CACNG2: variants seen among roughly 807,000 people sequenced by gnomAD.
The protein encoded by CACNG2 is calcium voltage-gated channel auxiliary subunit gamma 2.
Under a neutral mutation model 25.9 loss-of-function variants are expected in CACNG2, and 3 were observed. That is an observed-to-expected ratio of 0.12 (90% CI 0.05 to 0.30). CACNG2 has a LOEUF of 0.30. CACNG2 is among the 10% of genes least tolerant of loss of function. The pLI is 1.00. For missense variants in CACNG2, 341 were observed against 432.5 expected, an observed-to-expected ratio of 0.79 and a Z score of 1.88; for synonymous variants, 167 against 173.3, an observed-to-expected ratio of 0.96 and a Z score of 0.29.
intron 1 of CACNG2, among the ~76,000 whole-genome samples, chr22:36,678,563 CAT>C (rs943323773): frequency 6.6e-6 from 1 of 151,998 alleles, no homozygotes; most frequent in Non-Finnish European, 1.5e-5. Flanking sequence ...CCAATTCTCT[CAT>C]CATTTCCACA....
At chr22:36,588,681 G>A (rs1198049205) in intron 1 of CACNG2, among the ~76,000 whole-genome samples, 3 of 152,190 alleles carry the variant, frequency 2.0e-5, no homozygotes, top group Admixed American at 6.5e-5. Context: ...TGAGAGTGGC[G>A]ATAACAAGAA....
At chr22:36,643,576 G>C (rs999088243) in intron 1 of CACNG2, among the ~76,000 whole-genome samples, 2 of 151,610 alleles carry the variant, frequency 1.3e-5, no homozygotes, top group South Asian at 4.2e-4. Flanking sequence ...ACAAAACAAA[G>C]GATCAAAGAA....
chr22:36,646,916 C>T (rs549278621), intron 1 of CACNG2, among the ~76,000 whole-genome samples: 3 of 152,160 alleles, frequency 2.0e-5, no homozygotes, highest in South Asian at 4.2e-4. Context: ...TTTGTATTTT[C>T]TTATAGCCTG....
At chr22:36,613,103 A>C (rs571637499) in intron 1 of CACNG2, among the ~76,000 whole-genome samples, 1 of 151,700 alleles carries the variant, frequency 6.6e-6, no homozygotes, top group East Asian at 1.9e-4. Flanking sequence ...TCAAACTCTA[A>C]TGTGGGAATA....
chr22:36,680,095 A>T (rs1426817063), intron 1 of CACNG2, among the ~76,000 whole-genome samples: 1 of 151,924 alleles, frequency 6.6e-6, no homozygotes. Flanking sequence ...CGCCACCTTC[A>T]GGATCACTGC....
chr22:36,590,259 A>G (rs1269823608), intron 1 of CACNG2, among the ~76,000 whole-genome samples: 1 of 152,172 alleles, frequency 6.6e-6, no homozygotes, highest in Non-Finnish European at 1.5e-5. Context: ...AGGAGATGCT[A>G]ACAGAGAGGC....
At position 36,564,347 on chromosome 22, in the gene CACNG2, G is replaced by T. The variant is rs1935087980; in HGVS notation, c.*4C>A. 4 of 1,612,526 alleles carry T rather than the reference G, an allele frequency of 2.5e-6. No individual in the cohort carries two copies. Among genetic ancestry groups the T allele is most frequent in the Non-Finnish European group, 3.4e-6 (4 of 1,179,336 alleles). ...CCGCGGTCTTCTGGCGAGGCCCGCG[G>T]TCTTTATACGGGGGTGGTCCGGCGG... On this transcript the variant is annotated 3_prime_UTR_variant, in exon 4 of 4. Transcript: ENST00000300105. This position sits in a 1 kb window ranked among gnomAD's most constrained non-coding sequence, Gnocchi z 6.7.
chr22:36,633,872 G>A (rs1936314478), intron 1 of CACNG2, among the ~76,000 whole-genome samples: 1 of 152,154 alleles, frequency 6.6e-6, no homozygotes, highest in South Asian at 2.1e-4. Flanking sequence ...TCTGAAAGTC[G>A]GTTTCGGTGG....
At chr22:36,602,860 C>T (rs5756255) in intron 1 of CACNG2, among the ~76,000 whole-genome samples, 79,327 of 151,622 alleles carry the variant, frequency 0.52, 21,328 homozygotes, top group Admixed American at 0.62. Flanking sequence ...CCTGTTTCTC[C>T]CCCTCTCCTT....
chr22:36,611,575 T>C (rs1296558478), intron 1 of CACNG2, among the ~76,000 whole-genome samples: 1 of 152,066 alleles, frequency 6.6e-6, no homozygotes, highest in Non-Finnish European at 1.5e-5. Flanking sequence ...ACATCAATAG[T>C]CAAATATGAG....
At chr22:36,592,521 T>C (rs896128303) in intron 1 of CACNG2, among the ~76,000 whole-genome samples, 5 of 152,294 alleles carry the variant, frequency 3.3e-5, no homozygotes, top group Non-Finnish European at 7.4e-5. Flanking sequence ...AAGGCAAAAC[T>C]ACAACATTCG....
intron 1 of CACNG2, among the ~76,000 whole-genome samples, chr22:36,672,334 T>A (rs909477151): frequency 6.6e-6 from 1 of 152,086 alleles, no homozygotes; most frequent in African/African-American, 2.4e-5. Context: ...TTTTTAAAAA[T>A]TTTTATAGAG....
chr22:36,639,904 C>T (rs1569037434), intron 1 of CACNG2, among the ~76,000 whole-genome samples: 1 of 152,200 alleles, frequency 6.6e-6, no homozygotes, highest in Non-Finnish European at 1.5e-5. Flanking sequence ...CCCCCATCAA[C>T]ACTTTTTGAG....
At chr22:36,605,073 C>G (rs764195664) in intron 1 of CACNG2, among the ~76,000 whole-genome samples, 2 of 152,052 alleles carry the variant, frequency 1.3e-5, no homozygotes, top group Non-Finnish European at 2.9e-5. Flanking sequence ...CTGCCCTTGG[C>G]CCAACATAAC....
intron 1 of CACNG2, among the ~76,000 whole-genome samples, chr22:36,603,434 T>C (rs1569026279): frequency 2.0e-5 from 3 of 152,220 alleles, no homozygotes; most frequent in Non-Finnish European, 2.9e-5. Context: ...GTTAAGATCA[T>C]TGATGAAGGT....
At chr22:36,658,569 G>A (rs1208591578) in intron 1 of CACNG2, among the ~76,000 whole-genome samples, 1 of 152,212 alleles carries the variant, frequency 6.6e-6, no homozygotes, top group Non-Finnish European at 1.5e-5. Context: ...AAGTGTTGGG[G>A]TGGGATTTAA....
At chr22:36,577,711 C>T (rs2283977) in intron 2 of CACNG2, among the ~76,000 whole-genome samples, 39,180 of 150,692 alleles carry the variant, frequency 0.26, 5,437 homozygotes, top group African/African-American at 0.33. Flanking sequence ...GGCCAGTGTG[C>T]GTTCAGGAAG....
chr22:36,584,586 T>C (rs889539667), intron 2 of CACNG2: 71 of 152,358 alleles, frequency 4.7e-4, no homozygotes, highest in African/African-American at 1.7e-3. Flanking sequence ...TCCCCAGGAC[T>C]GACAATAGTG....
At chr22:36,598,509 T>C (rs1398341205) in intron 1 of CACNG2, among the ~76,000 whole-genome samples, 1 of 151,602 alleles carries the variant, frequency 6.6e-6, no homozygotes, top group African/African-American at 2.4e-5. Flanking sequence ...TCCCAGCTAC[T>C]CGGGAGGCTG....
Sources: allele counts gnomAD v4.1 joint callset (sites outside exome capture counted in the v4.1 genomes callset), GRCh38; gene constraint gnomAD v4.1.1; non-coding constraint Gnocchi (gnomAD v3.1); transcripts MANE v1.5; gene names NCBI Gene and HGNC (gene_info 2026-07-23, HGNC 2026-07-21).